Variants in NEB observed in about 807,000 individuals in gnomAD.
NEB encodes the protein nemaline myopathy type 2.
A neutral mutation model predicts 952.2 loss-of-function variants in NEB; 512 were observed. The ratio of observed to expected loss-of-function variants is 0.54; its 90% CI spans 0.50 to 0.58. The LOEUF is 0.58. Ranked by LOEUF, NEB falls within the 20% of genes least tolerant of loss-of-function variation. The pLI is 0.00. For synonymous variants in NEB, 2,900 were observed against 3,149.8 expected (o/e 0.92, Z 2.66); for missense variants, 8,428 against 9,231.1 (o/e 0.91, Z 3.56).
chr2:151,617,144 T>C (rs770674736), intron 75 of NEB, among the ~76,000 whole-genome samples: 7 of 152,214 alleles, frequency 4.6e-5, no homozygotes, highest in Admixed American at 2.0e-4. Flanking sequence ...AAATATTTAT[T>C]CATAATCATT....
intron 107 of NEB, among the ~76,000 whole-genome samples, chr2:151,571,986 A>C (rs1055080590): frequency 6.6e-6 from 1 of 152,210 alleles, no homozygotes; most frequent in Admixed American, 6.5e-5. Flanking sequence ...TTGACAACTG[A>C]CTTGTTTTCT....
At chr2:151,639,192 C>A in intron 63 of NEB, 88 bp downstream of exon 63, 1 of 1,043,898 alleles carries the variant, frequency 9.6e-7, no homozygotes, top group Non-Finnish European at 1.4e-6. Context: ...AAGATTCTTT[C>A]TAAAGCTGTC....
Position 151,562,183 on chromosome 2 carries a change from T to C in NEB, c.18923A>G (p.Lys6308Arg), listed in dbSNP as rs1378429315. 2.5e-6 allele frequency: 4 copies of C among 1,613,446 alleles called. No individual in the cohort carries two copies. The Admixed American group carries it at 6.7e-5, about 27-fold the overall frequency. The change falls in exon 121 of 182, where the codon AAA becomes AGA. Residue 6308 changes from lysine to arginine, a missense_variant. By Grantham distance (26) the Lys-to-Arg change is conservative (BLOSUM62 2). Coordinates refer to ENST00000397345, the MANE Select transcript of NEB (RefSeq NM_001164508.2). ...NVYKDDLNWL[K>R]GIGCYVWDTP... The stretch of plus-strand genomic sequence containing the variant: ...ATCCCAAACGTAGCAACCAATGCCT[T>C]TCAACCAATTCAGGTCATCTTTATA...
chr2:151,637,004 G>C (rs1396389318), intron 63 of NEB, among the ~76,000 whole-genome samples: 1 of 152,140 alleles, frequency 6.6e-6, no homozygotes, highest in African/African-American at 2.4e-5. Context: ...AGGCTTAACT[G>C]TTGATCATGG....
chr2:151,719,716 C>G (rs2099768996), intron 9 of NEB, among the ~76,000 whole-genome samples: 1 of 151,694 alleles, frequency 6.6e-6, no homozygotes, highest in Non-Finnish European at 1.5e-5. Context: ...CTGTCTCTAC[C>G]AAAAATACAA....
intron 161 of NEB, among the ~76,000 whole-genome samples, chr2:151,511,552 C>A (rs1469485607): frequency 1.3e-5 from 2 of 152,176 alleles, no homozygotes; most frequent in Admixed American, 6.5e-5. Context: ...GAATCTACAT[C>A]CCCAGGTGCC....
At position 151,723,488 on chromosome 2, in the gene NEB, T is replaced by G; in HGVS notation, c.613-2A>C. The G allele has an allele frequency of 1.9e-6, 3 of 1,595,978 alleles. No homozygotes were observed. On this transcript the variant is annotated splice_acceptor_variant, in intron 8 of 181. Coordinates refer to ENST00000397345, the MANE Select transcript of NEB (RefSeq NM_001164508.2). LOFTEE classifies it high-confidence loss of function. Reference sequence around the variant, plus strand: ...TTCCCAGTCTTCAGTGTACAGTTTCTAAATCAAAAAAGAGTGAAAAGTTAG... The same window carrying G: ...TTCCCAGTCTTCAGTGTACAGTTTCGAAATCAAAAAAGAGTGAAAAGTTAG...
At position 151,664,499 on chromosome 2, in the gene NEB, A is replaced by G; in HGVS notation, c.5451+2T>C. The G allele has an allele frequency of 6.3e-7, 1 of 1,575,264 alleles. No homozygotes were observed. Among genetic ancestry groups the G allele is most frequent in the South Asian group, 1.2e-5 (1 of 83,270 alleles). ...CCAAAAAGGCCCAGTGCAAGCACTTACATCACTGGCAATGTCTCTAGAGGC... is the reference window on the plus strand; with the variant it reads ...CCAAAAAGGCCCAGTGCAAGCACTTGCATCACTGGCAATGTCTCTAGAGGC... On this transcript the variant is annotated splice_donor_variant, in intron 44 of 181. Coordinates refer to ENST00000397345, the MANE Select transcript of NEB (RefSeq NM_001164508.2). LOFTEE classifies it high-confidence loss of function.
chr2:151,710,058 CTT>C (rs1191069321), intron 11 of NEB, among the ~76,000 whole-genome samples: 1 of 152,184 alleles, frequency 6.6e-6, no homozygotes, highest in East Asian at 1.9e-4. Context: ...AAACAATAGA[CTT>C]ATGTTTTCCA....
chr2:151,617,550 C>T (rs2098244917), intron 74 of NEB, 82 bp from the exon 75 acceptor site: 3 of 819,378 alleles, frequency 3.7e-6, no homozygotes, highest in South Asian at 1.9e-5. Flanking sequence ...GATTATGTGC[C>T]AGTCATCTCT....
chr2:151,646,715 T>C (rs1282835994), intron 54 of NEB, among the ~76,000 whole-genome samples: 1 of 152,176 alleles, frequency 6.6e-6, no homozygotes, highest in Admixed American at 6.5e-5. Context: ...AATGGCGCAA[T>C]CATGGCTCAC....
chr2:151,706,607 G>A (rs761000974), intron 13 of NEB, among the ~76,000 whole-genome samples: 2 of 152,074 alleles, frequency 1.3e-5, no homozygotes, highest in African/African-American at 4.8e-5. Context: ...GAGCTCATAA[G>A]CAACACATCC....
intron 138 of NEB, among the ~76,000 whole-genome samples, chr2:151,538,448 G>C (rs1008308529): frequency 6.6e-6 from 1 of 152,096 alleles, no homozygotes; most frequent in Admixed American, 6.6e-5. Context: ...GAGTTTAACC[G>C]ATCATAATGT....
At chr2:151,523,175 G>GT (rs1269881072) in intron 153 of NEB, among the ~76,000 whole-genome samples, 1 of 152,020 alleles carries the variant, frequency 6.6e-6, no homozygotes, top group Non-Finnish European at 1.5e-5. Context: ...AGATTCCACT[G>GT]TTTTTTTGTT....
chr2:151,646,029 TA>T (rs1307219803), intron 55 of NEB, 100 bp downstream of exon 55: 3 of 848,924 alleles, frequency 3.5e-6, no homozygotes, highest in South Asian at 1.8e-5. Flanking sequence ...GTTAATTAAT[TA>T]AAATAATTCA....
At chr2:151,516,024 A>G (rs2077541121) in intron 157 of NEB, among the ~76,000 whole-genome samples, 2 of 152,316 alleles carry the variant, frequency 1.3e-5, no homozygotes, top group South Asian at 4.1e-4. Context: ...CGAATATGGC[A>G]TCTTCACTTT....
In NEB at chr2:151,581,530, T is replaced by G. The variant is rs1003995484; in HGVS notation, c.16237A>C (p.Thr5413Pro). 1 of 1,210,538 alleles carries G rather than the reference T, an allele frequency of 8.3e-7. No homozygotes were observed. The highest frequency in any genetic ancestry group is 1.1e-6 in the Non-Finnish European group (1 of 873,836). The allele number at this position is 1,210,538 out of a possible 1,614,324, so 75.0% of individuals were successfully genotyped here. A position where few individuals can be genotyped will look rare whatever the true frequency, so the allele number is the denominator to read the frequency against. ...EKANVNVPADTPLMLQSKINA... is the reference protein window; with the variant it reads ...EKANVNVPADPPLMLQSKINA... ...ATTTTGGATTGCAGCATCAGGGGAG[T>G]GTCAGCTGGCACGTTCACATTAGCC... Residue 5413 changes from threonine (T) to proline (P), a missense_variant, in exon 103 of 182, where the codon ACT becomes CCT. Physicochemically the swap from Thr to Pro is conservative, Grantham distance 38 (BLOSUM62 -1). This residue lies in a region of NEB where 40 missense variants were observed against 61.2 expected (regional missense o/e 0.65). Coordinates refer to ENST00000397345, the MANE Select transcript of NEB (RefSeq NM_001164508.2).
At position 151,581,518 on chromosome 2, in the gene NEB, G is replaced by A; in HGVS notation, c.16249C>T (p.Leu5417=). Residue 5417 remains leucine (L), a synonymous_variant, in exon 103 of 182, where the codon CTG becomes TTG. Coordinates refer to ENST00000397345, the MANE Select transcript of NEB (RefSeq NM_001164508.2). ...VNVPADTPLM[L]QSKINALQIS... ...TGCAGGGCATTGATTTTGGATTGCA[G>A]CATCAGGGGAGTGTCAGCTGGCACG... The A allele has an allele frequency of 8.8e-7, 1 of 1,137,092 alleles. No homozygotes were observed. The highest frequency in any genetic ancestry group is 1.5e-5 in the South Asian group (1 of 68,470). The allele number at this position is 1,137,092 out of a possible 1,614,324, so 70.4% of individuals were successfully genotyped here. A position where few individuals can be genotyped will look rare whatever the true frequency, so the allele number is the denominator to read the frequency against.
chr2:151,649,130 C>T (rs546404193), intron 54 of NEB, among the ~76,000 whole-genome samples: 1 of 152,240 alleles, frequency 6.6e-6, no homozygotes, highest in East Asian at 1.9e-4. Context: ...AAGGGGGAAA[C>T]ATTTTGTACA....
Sources: gnomAD v4.1 joint callset for allele counts (sites outside exome capture counted in the v4.1 genomes callset) on GRCh38, gnomAD v4.1.1 for gene constraint, gnomAD v4.1.1 regional missense constraint, MANE v1.5 for transcripts, NCBI Gene and HGNC (gene_info 2026-07-23, HGNC 2026-07-21) for gene names.